Variants in GLIS3 observed in about 807,000 individuals in gnomAD.
GLIS3 encodes GLIS family zinc finger 3, also known as zinc finger protein GLIS3.
Under a neutral mutation model 78.6 loss-of-function variants are expected in GLIS3, and 53 were observed. The ratio of observed to expected loss-of-function variants is 0.67; its 90% CI spans 0.54 to 0.85. The LOEUF is 0.85. GLIS3 is among the 40% of genes least tolerant of loss of function. The probability of loss-of-function intolerance (pLI) is 0.00; values close to 1 mark genes in which losing one functional copy is unlikely to be tolerated. For synonymous variants in GLIS3, 684 were observed against 509.9 expected (o/e 1.34, Z -4.60); for missense variants, 1,703 against 1,231.1 (o/e 1.38, Z -5.74).
intron 2 of GLIS3, among the ~76,000 whole-genome samples, chr9:4,216,376 GGCAGGAGAATGGCGTGAGCTT>G (rs1820840302): frequency 6.6e-6 from 1 of 151,876 alleles, no homozygotes; most frequent in Admixed American, 6.6e-5. Context: ...AAGAGGTTGA[GGCAGGAGAATGGCGTGAGCTT>G]GCAGTGAGAA....
chr9:4,402,759 T>C, the GLIS3 span, among the ~76,000 whole-genome samples: 2 of 152,078 alleles, frequency 1.3e-5, no homozygotes, highest in East Asian at 3.9e-4. Context: ...GAAGACAGGC[T>C]ATTTGAAAAC....
intron 4 of GLIS3, among the ~76,000 whole-genome samples, chr9:3,950,913 A>C (rs1317452935): frequency 1.3e-5 from 2 of 152,224 alleles, no homozygotes; most frequent in Non-Finnish European, 2.9e-5. Flanking sequence ...CTAGGGCTTA[A>C]AATCCACTCA....
At chr9:3,916,353 T>C (rs1442404098) in intron 6 of GLIS3, among the ~76,000 whole-genome samples, 1 of 152,224 alleles carries the variant, frequency 6.6e-6, no homozygotes, top group African/African-American at 2.4e-5. Flanking sequence ...GCAAATTCCT[T>C]GATTTCTCAT....
Position 4,117,882 on chromosome 9 carries a change from C to G in GLIS3, c.1596G>C (p.Glu532Asp). 6.2e-7 allele frequency: 1 copy of G among 1,614,182 alleles called. No individual in the cohort carries two copies. The highest frequency in any genetic ancestry group is 1.3e-5 in the African/African-American group (1 of 75,054). Reference sequence around the variant, plus strand: ...AACCGGCCCAGAAGCAAGTGAAGTCCTCCCCTTTGCGCTGGTCGATGTGGA... The same window carrying G: ...AACCGGCCCAGAAGCAAGTGAAGTCGTCCCCTTTGCGCTGGTCGATGTGGA... ...EKVHIDQRKG[E>D]DFTCFWAGCP... is the part of the protein sequence containing the mutation. Residue 532 changes from glutamate (E) to aspartate (D), a missense_variant, in exon 4 of 11, where the codon GAG becomes GAC. Glu to Asp is a conservative substitution (Grantham distance 45, BLOSUM62 2). Coordinates refer to ENST00000381971, the MANE Select transcript of GLIS3 (RefSeq NM_001042413.2).
chr9:4,366,045 C>T, the GLIS3 span, among the ~76,000 whole-genome samples: 14 of 152,228 alleles, frequency 9.2e-5, no homozygotes, highest in Non-Finnish European at 1.9e-4. Context: ...GAAAATGCTT[C>T]GGTGGTGAAC....
At chr9:4,446,793 G>A in the GLIS3 span, among the ~76,000 whole-genome samples, 1 of 151,816 alleles carries the variant, frequency 6.6e-6, no homozygotes, top group Non-Finnish European at 1.5e-5. Flanking sequence ...TTACAGGCAT[G>A]AGCCACTGCG....
At chr9:4,363,193 TG>T in the GLIS3 span, among the ~76,000 whole-genome samples, 1 of 152,006 alleles carries the variant, frequency 6.6e-6, no homozygotes, top group Non-Finnish European at 1.5e-5. Context: ...GAGGCCCAGG[TG>T]GGTGGGTCAC....
chr9:4,195,124 A>T (rs569363595), intron 2 of GLIS3, among the ~76,000 whole-genome samples: 1 of 152,218 alleles, frequency 6.6e-6, no homozygotes, highest in African/African-American at 2.4e-5. Context: ...AGCTCCTCCA[A>T]CTGAGAGGTG....
At chr9:4,096,023 A>G (rs1829916130) in intron 4 of GLIS3, among the ~76,000 whole-genome samples, 1 of 152,104 alleles carries the variant, frequency 6.6e-6, no homozygotes, top group East Asian at 1.9e-4. Context: ...AAAAAAAAAA[A>G]AAAAGTCTCT....
the GLIS3 span, among the ~76,000 whole-genome samples, chr9:4,368,220 A>G: frequency 6.6e-6 from 1 of 152,230 alleles, no homozygotes; most frequent in Non-Finnish European, 1.5e-5. Context: ...ATCTCCAAAG[A>G]AAATAACTAA....
At chr9:4,181,956 A>G (rs866329619) in intron 2 of GLIS3, among the ~76,000 whole-genome samples, 1 of 152,234 alleles carries the variant, frequency 6.6e-6, no homozygotes. Flanking sequence ...AATTGTGAGA[A>G]ATAATAAACA....
chr9:4,353,532 T>A, the GLIS3 span, among the ~76,000 whole-genome samples: 1 of 152,160 alleles, frequency 6.6e-6, no homozygotes, highest in African/African-American at 2.4e-5. Context: ...CTCTGGGCAC[T>A]GGCATGTGTA....
At chr9:4,448,657 A>G in the GLIS3 span, among the ~76,000 whole-genome samples, 1 of 152,360 alleles carries the variant, frequency 6.6e-6, no homozygotes, top group Non-Finnish European at 1.5e-5. Context: ...ACAACAAACT[A>G]TAAGTCAAAG....
the GLIS3 span, among the ~76,000 whole-genome samples, chr9:4,388,121 G>A: frequency 2.6e-5 from 4 of 152,174 alleles, no homozygotes; most frequent in Non-Finnish European, 5.9e-5. Context: ...ATCTATCAAA[G>A]TATAAGGTTA....
chr9:3,860,143 T>C (rs891721001), intron 8 of GLIS3, among the ~76,000 whole-genome samples: 7 of 151,632 alleles, frequency 4.6e-5, no homozygotes, highest in African/African-American at 1.7e-4. Context: ...GGTGTAGTGG[T>C]GGGTGCCTGT....
intron 2 of GLIS3, among the ~76,000 whole-genome samples, chr9:4,130,230 G>C (rs957406880): frequency 2.0e-5 from 3 of 152,202 alleles, no homozygotes; most frequent in Non-Finnish European, 2.9e-5. Flanking sequence ...TAAAAGTTTG[G>C]AAAATTTACA....
chr9:4,104,651 C>G (rs1302438772), intron 4 of GLIS3, among the ~76,000 whole-genome samples: 1 of 152,178 alleles, frequency 6.6e-6, no homozygotes, highest in Non-Finnish European at 1.5e-5. Context: ...ACAGTCTCTT[C>G]TCTTCTTCCT....
In GLIS3 at chr9:4,331,322, CATCA is replaced by C. The variant is rs34139748; in HGVS notation, n.264+15755_264+15758del. On this transcript the variant is annotated intron_variant and non_coding_transcript_variant, in intron 2 of 4. Coordinates refer to the GLIS3 transcript ENST00000471664. ...TCTGAGTCCTCTCCTTGTCTCGTGACATCAATCATTGGTTTTAGGGCACACTTTT... is the reference window on the plus strand; with the variant it reads ...TCTGAGTCCTCTCCTTGTCTCGTGACATCATTGGTTTTAGGGCACACTTTT... Among the ~76,000 whole-genome samples, 770 of 152,266 alleles carry C rather than the reference CATCA, an allele frequency of 5.1e-3. 10 individuals are homozygous for C. Among genetic ancestry groups the C allele is most frequent in the African/African-American group, 0.018 (745 of 41,552 alleles).
intron 9 of GLIS3, among the ~76,000 whole-genome samples, chr9:3,846,771 C>T (rs1277955741): frequency 6.6e-6 from 1 of 152,200 alleles, no homozygotes; most frequent in Admixed American, 6.5e-5. Flanking sequence ...TTTTATTATG[C>T]AGATACTGAC....
Sources: allele counts gnomAD v4.1 joint callset (sites outside exome capture counted in the v4.1 genomes callset), GRCh38; gene constraint gnomAD v4.1.1; transcripts MANE v1.5; gene names NCBI Gene and HGNC (gene_info 2026-07-23, HGNC 2026-07-21).